The following KLHDC4 variants were observed in gnomAD, a reference collection of about 807,000 sequenced individuals.
KLHDC4 encodes kelch domain containing 4.
In KLHDC4, 90 loss-of-function variants were observed where a neutral mutation model predicts 62.4. That is an observed-to-expected ratio of 1.44 (90% CI 1.22 to 1.72). KLHDC4 has a LOEUF of 1.72. Among genes scored for constraint, KLHDC4 ranks in the 40% most tolerant of loss-of-function variants. The pLI, the probability that KLHDC4 is intolerant of heterozygous loss-of-function variation, is 0.00. For synonymous variants in KLHDC4, 386 were observed against 284.4 expected, an observed-to-expected ratio of 1.36 and a Z score of -3.59; for missense variants, 1,025 against 699.7, an observed-to-expected ratio of 1.47 and a Z score of -5.25.
At chr16:87,749,357 C>T (rs189045308) in intron 4 of KLHDC4, among the ~76,000 whole-genome samples, 1 of 152,000 alleles carries the variant, frequency 6.6e-6, no homozygotes, top group East Asian at 1.9e-4. Context: ...AAATAGAGAC[C>T]ATCCTGGCCA....
chr16:87,751,168 G>A (rs1303345811), intron 4 of KLHDC4, among the ~76,000 whole-genome samples: 1 of 152,234 alleles, frequency 6.6e-6, no homozygotes. Context: ...CAGTTAGCGT[G>A]AAATAGATGC....
At chr16:87,748,640 G>T (rs1010685746) in intron 5 of KLHDC4, 33 bp downstream of exon 5, 5 of 1,613,084 alleles carry the variant, frequency 3.1e-6, no homozygotes, top group Admixed American at 3.3e-5. Context: ...GAAGAGCCAT[G>T]CCCGGAGCTC....
chr16:87,722,671 C>T (rs533483125), intron 7 of KLHDC4, among the ~76,000 whole-genome samples: 85 of 152,342 alleles, frequency 5.6e-4, no homozygotes, highest in Non-Finnish European at 9.8e-4. Flanking sequence ...GACAAGGACA[C>T]GCAGGGGGAT....
intron 4 of KLHDC4, among the ~76,000 whole-genome samples, chr16:87,749,876 C>G (rs541586200): frequency 6.6e-6 from 1 of 152,314 alleles, no homozygotes; most frequent in African/African-American, 2.4e-5. Flanking sequence ...CCACACCCAG[C>G]CTTACGTGAC....
chr16:87,765,838 GC>G lies in KLHDC4; in HGVS notation c.52del (p.Ala18ProfsTer23), dbSNP rs1297131560. On this transcript the variant is annotated frameshift_variant, in exon 1 of 12. Coordinates refer to ENST00000270583, the MANE Select transcript of KLHDC4 (RefSeq NM_017566.4). LOFTEE classifies it high-confidence loss of function. ...EKKGRGAEKT[A>X]AKMEKKVSKR... is the part of the protein sequence containing the mutation. Reference sequence around the variant, plus strand: ...AGACACCTTCTTCTCCATCTTGGCGGCCGTCTTCTCCGCGCCGCGGCCCTTC... The same window carrying G: ...AGACACCTTCTTCTCCATCTTGGCGGCGTCTTCTCCGCGCCGCGGCCCTTC... The G allele has an allele frequency of 6.4e-7, 1 of 1,558,874 alleles. No individual in the cohort carries two copies. The highest frequency in any genetic ancestry group is 2.4e-5 in the East Asian group (1 of 42,080).
At chr16:87,743,348 G>A (rs954552639) in intron 5 of KLHDC4, among the ~76,000 whole-genome samples, 6 of 152,166 alleles carry the variant, frequency 3.9e-5, no homozygotes, top group Admixed American at 1.3e-4. Context: ...TCCCACCTCC[G>A]TTTCCTAAAG....
At chr16:87,734,357 C>A (rs774937622) in intron 5 of KLHDC4, among the ~76,000 whole-genome samples, 1 of 151,902 alleles carries the variant, frequency 6.6e-6, no homozygotes, top group Non-Finnish European at 1.5e-5. Flanking sequence ...AAAAAAAAAA[C>A]ACAAGACATC....
intron 5 of KLHDC4, among the ~76,000 whole-genome samples, chr16:87,736,263 G>A (rs917013030): frequency 6.6e-6 from 1 of 152,228 alleles, no homozygotes; most frequent in Non-Finnish European, 1.5e-5. Flanking sequence ...ACAATGGCAA[G>A]TAGATGTCTC....
chr16:87,703,238 C>G (rs530093159), downstream of KLHDC4: 2 of 151,758 alleles, frequency 1.3e-5, no homozygotes, highest in South Asian at 4.2e-4. Flanking sequence ...GGTCAGCGCG[C>G]GTGCAGGAAT....
At chr16:87,702,756 G>GT (rs1453877892), upstream of KLHDC4, among the ~76,000 whole-genome samples, 2 of 152,260 alleles carry the variant, frequency 1.3e-5, no homozygotes, top group Admixed American at 1.3e-4. Context: ...ACAGGAAACA[G>GT]TGTTAACCTG....
intron 5 of KLHDC4, among the ~76,000 whole-genome samples, chr16:87,744,834 C>T (rs1310873313): frequency 1.3e-5 from 2 of 149,024 alleles, no homozygotes; most frequent in African/African-American, 2.5e-5. Context: ...CCAGGTTCTC[C>T]AGATCACTGC....
exon 1 of KLHDC4, chr16:87,702,586 A>T (rs2034197520): frequency 7.1e-6 from 2 of 280,542 alleles, no homozygotes; most frequent in Non-Finnish European, 1.4e-5. Flanking sequence ...GACTCTGCTC[A>T]TCTGCACCAT....
intron 5 of KLHDC4, among the ~76,000 whole-genome samples, chr16:87,747,319 T>TA (rs1156959119): frequency 2.0e-5 from 3 of 152,120 alleles, no homozygotes; most frequent in Non-Finnish European, 2.9e-5. Flanking sequence ...AAAATGCTAT[T>TA]AAAAAATCAA....
rs34779002 is a variant in KLHDC4, at chr16:87,748,790, C to A, written c.389G>T (p.Gly130Val). 0.098 allele frequency: 158,620 copies of A among 1,612,424 alleles called. 8,875 individuals carry two copies. The highest frequency in any genetic ancestry group is 0.11 in the Non-Finnish European group (129,055 of 1,179,604). Reference protein sequence around the residue: ...CAHQAVVVPQGGGQLWVFGGE... With the variant: ...CAHQAVVVPQVGGQLWVFGGE... ...TCCAAAGACCCACAGCTGTCCGCCA[C>A]CTTGAGGCACTACCACCGCCTGTGA... The change falls in exon 5 of 12, where the codon GGT (glycine) becomes GTT (valine). Residue 130 changes from glycine (G) to valine (V), a missense_variant. By Grantham distance (109) the Gly-to-Val change is moderately radical. Coordinates refer to ENST00000270583, the MANE Select transcript of KLHDC4 (RefSeq NM_017566.4).
rs571595835 is a variant in KLHDC4 at position 87,751,413 on chromosome 16, G to A, written c.370-2604C>T. Reference sequence around the variant, plus strand: ...CGCTTGAGCCTGGGAGGCAGAAGTTGCAGTGAGCTGAGGTCGCACCACTGC... The same window carrying A: ...CGCTTGAGCCTGGGAGGCAGAAGTTACAGTGAGCTGAGGTCGCACCACTGC... On this transcript the variant is annotated intron_variant, in intron 4 of 11. Coordinates refer to ENST00000270583, the MANE Select transcript of KLHDC4 (RefSeq NM_017566.4). 3.9e-3 allele frequency among the ~76,000 whole-genome samples: 588 copies of A among 151,624 alleles called. 5 individuals are homozygous for A. Among genetic ancestry groups the A allele is most frequent in the African/African-American group, 0.013 (550 of 41,294 alleles).
At chr16:87,730,505 T>C in intron 6 of KLHDC4, 47 bp downstream of exon 6, 1 of 1,460,674 alleles carries the variant, frequency 6.8e-7, no homozygotes, top group Non-Finnish European at 9.4e-7. Context: ...AAAAGCCCAC[T>C]CCTTAATGCT....
intron 5 of KLHDC4, among the ~76,000 whole-genome samples, chr16:87,745,292 C>T (rs184118291): frequency 5.3e-5 from 8 of 151,778 alleles, no homozygotes; most frequent in Non-Finnish European, 4.4e-5. Context: ...TTGCAGCACC[C>T]GCCCCGGGGC....
At chr16:87,699,606 G>A (rs1312551574) in exon 1 of KLHDC4, 1 of 152,502 alleles carries the variant, frequency 6.6e-6, no homozygotes, top group African/African-American at 2.4e-5. Context: ...GGCTGAGGCA[G>A]GAGAATCGCT....
intron 1 of KLHDC4, among the ~76,000 whole-genome samples, chr16:87,764,054 C>T (rs2046257056): frequency 6.6e-6 from 1 of 152,290 alleles, no homozygotes; most frequent in African/African-American, 2.4e-5. Flanking sequence ...TACATGAGTT[C>T]TGTGGGAGCA....
Sources: gnomAD v4.1 joint callset for allele counts (sites outside exome capture counted in the v4.1 genomes callset) on GRCh38, gnomAD v4.1.1 for gene constraint, MANE v1.5 for transcripts, NCBI Gene and HGNC (gene_info 2026-07-23, HGNC 2026-07-21) for gene names.